Variants in PARD3 observed in about 807,000 individuals in gnomAD.
The protein encoded by PARD3 is par-3 family cell polarity regulator.
A neutral mutation model predicts 155.4 loss-of-function variants in PARD3; 75 were observed. The observed-to-expected ratio is 0.48, with a 90% CI of 0.40 to 0.58. PARD3 has a LOEUF of 0.58. PARD3 is among the 20% of genes least tolerant of loss of function. PARD3 has a pLI of 0.00. For synonymous variants in PARD3, 576 were observed against 610.5 expected, an observed-to-expected ratio of 0.94 and a Z score of 0.83; for missense variants, 1,642 against 1,721.7, an observed-to-expected ratio of 0.95 and a Z score of 0.82.
intron 22 of PARD3, among the ~76,000 whole-genome samples, chr10:34,139,864 A>T (rs900707804): frequency 3.9e-5 from 6 of 152,236 alleles, no homozygotes; most frequent in African/African-American, 1.4e-4. Flanking sequence ...GGATCCTATG[A>T]TACAGAACTA....
intron 12 of PARD3, among the ~76,000 whole-genome samples, chr10:34,362,588 C>G (rs1564629309): frequency 1.3e-5 from 2 of 152,172 alleles, no homozygotes; most frequent in Non-Finnish European, 2.9e-5. Flanking sequence ...TTGACCTCCC[C>G]AGGCTCAGGT....
At chr10:34,368,599 G>A (rs946063766) in intron 12 of PARD3, among the ~76,000 whole-genome samples, 1 of 152,048 alleles carries the variant, frequency 6.6e-6, no homozygotes, top group Admixed American at 6.5e-5. Flanking sequence ...GTGAACCCGG[G>A]GGGTGGAGCT....
Position 34,431,885 on chromosome 10 carries a change from T to TA in PARD3, c.714+18431dup, listed in dbSNP as rs1257475596. Reference sequence around the variant, plus strand: ...TAACACGGTGAAACCCCGTATCTACTAAAAAAATTAGCTGGGCGTGGTGGC... The same window carrying TA: ...TAACACGGTGAAACCCCGTATCTACTAAAAAAAATTAGCTGGGCGTGGTGGC... On this transcript the variant is annotated intron_variant, in intron 5 of 24. Coordinates refer to ENST00000374788, the MANE Select transcript of PARD3 (RefSeq NM_001184785.2). Among the ~76,000 whole-genome samples the TA allele has an allele frequency of 7.5e-5, 11 of 146,162 alleles. No individual in the cohort carries two copies. In the East Asian group the frequency reaches 1.4e-3, roughly 19 times the overall value.
At chr10:34,143,402 A>G (rs897149815) in intron 22 of PARD3, among the ~76,000 whole-genome samples, 1 of 152,196 alleles carries the variant, frequency 6.6e-6, no homozygotes, top group African/African-American at 2.4e-5. Context: ...CAATAAAATG[A>G]TTATCATGTT....
In PARD3 at chr10:34,126,365, T is replaced by C. The variant is rs71495065; in HGVS notation, c.3540+5098A>G. The stretch of plus-strand genomic sequence containing the variant: ...CTTGGATGAATTTTCCGCAGCATCC[T>C]GCTCTGTATGTAAAGTAATTGGCTT... On this transcript the variant is annotated intron_variant, in intron 23 of 24. Transcript: ENST00000374788. Among the ~76,000 whole-genome samples, 1,162 of 152,348 alleles carry C rather than the reference T, an allele frequency of 7.6e-3. 5 individuals are homozygous for C. The highest frequency in any genetic ancestry group is 0.013 in the Admixed American group (199 of 15,306).
intron 2 of PARD3, among the ~76,000 whole-genome samples, chr10:34,579,492 C>G (rs1162720073): frequency 6.6e-6 from 1 of 151,040 alleles, no homozygotes; most frequent in Non-Finnish European, 1.5e-5. Flanking sequence ...AAAAAAAATA[C>G]GTAAGAAGCC....
chr10:34,610,800 T>G (rs1334026280), intron 2 of PARD3, among the ~76,000 whole-genome samples: 1 of 152,180 alleles, frequency 6.6e-6, no homozygotes, highest in Admixed American at 6.5e-5. Context: ...TTTATAAAGT[T>G]TGATATGCAA....
intron 21 of PARD3, among the ~76,000 whole-genome samples, chr10:34,282,458 T>C (rs1052646793): frequency 2.0e-5 from 3 of 152,184 alleles, no homozygotes; most frequent in Non-Finnish European, 2.9e-5. Context: ...GAAACCATTA[T>C]GTAAAAATCA....
rs11598639 is a variant in PARD3, at chr10:34,503,228, A to G, written c.403+13751T>C. Among the ~76,000 whole-genome samples the G allele has an allele frequency of 3.0e-3, 464 of 152,352 alleles. 1 individual carries two copies. Among genetic ancestry groups the G allele is most frequent in the Non-Finnish European group, 5.0e-3 (339 of 68,030 alleles). ...TTAACACAAATTCTGTATTTAAAAT[A>G]AATACTTCTCAAGCTGTTTTAAATA... On this transcript the variant is annotated intron_variant, in intron 3 of 24. Transcript: ENST00000374788.
At chr10:34,526,989 ATACTT>A (rs1286514162) in intron 2 of PARD3, among the ~76,000 whole-genome samples, 5 of 152,216 alleles carry the variant, frequency 3.3e-5, no homozygotes, top group Admixed American at 2.0e-4. Flanking sequence ...GGTAAACTCT[ATACTT>A]TATTTTTTGG....
At chr10:34,340,799 T>C (rs536974767) in intron 16 of PARD3, among the ~76,000 whole-genome samples, 3 of 152,120 alleles carry the variant, frequency 2.0e-5, no homozygotes, top group East Asian at 3.9e-4. Flanking sequence ...AGAAAAACAG[T>C]AGGAAGCAGG....
At chr10:34,481,953 T>A (rs1284835061) in intron 3 of PARD3, among the ~76,000 whole-genome samples, 1 of 150,442 alleles carries the variant, frequency 6.6e-6, no homozygotes, top group Non-Finnish European at 1.5e-5. Flanking sequence ...CGCCACAGCC[T>A]CCTATGTAGC....
intron 21 of PARD3, among the ~76,000 whole-genome samples, chr10:34,272,132 A>G (rs903391384): frequency 6.6e-6 from 1 of 152,222 alleles, no homozygotes; most frequent in Admixed American, 6.5e-5. Flanking sequence ...AAGGAAAAAT[A>G]AATTTCATAC....
chr10:34,483,071 G>T (rs537940273), intron 3 of PARD3, among the ~76,000 whole-genome samples: 1 of 152,044 alleles, frequency 6.6e-6, no homozygotes, highest in Non-Finnish European at 1.5e-5. Flanking sequence ...CAGGAGAATA[G>T]CTTGAATCTG....
chr10:34,666,728 C>T (rs929652620), intron 2 of PARD3, among the ~76,000 whole-genome samples: 2 of 129,088 alleles, frequency 1.5e-5, no homozygotes, highest in Non-Finnish European at 3.1e-5. Context: ...ATTTGGAAAC[C>T]AGACCTTGAT....
intron 2 of PARD3, among the ~76,000 whole-genome samples, chr10:34,680,279 G>C (rs1004430520): frequency 4.6e-5 from 7 of 152,044 alleles, no homozygotes. Context: ...GTACATTCAG[G>C]CCAGTGTGGC....
Position 34,284,248 on chromosome 10 carries a change from G to A in PARD3, c.3066-3C>T. 2 of 1,569,866 alleles carry A rather than the reference G, an allele frequency of 1.3e-6. No individual in the cohort carries two copies. The highest frequency in any genetic ancestry group is 1.7e-6 in the Non-Finnish European group (2 of 1,147,126). The stretch of plus-strand genomic sequence containing the variant: ...CATCTTTTCGATGTTTGCCAAACCT[G>A]TTAATAACAAAAAATTCTAACTTGT... On this transcript the variant is annotated splice_region_variant and splice_polypyrimidine_tract_variant and intron_variant, in intron 20 of 24. Transcript: ENST00000374788.
intron 22 of PARD3, among the ~76,000 whole-genome samples, chr10:34,240,857 C>A (rs1187813559): frequency 6.6e-6 from 1 of 152,080 alleles, no homozygotes; most frequent in East Asian, 1.9e-4. Flanking sequence ...ACAACACAGA[C>A]AGAAACTGCC....
chr10:34,317,137 C>T lies in PARD3; in HGVS notation c.3035G>A (p.Gly1012Glu). 6.4e-7 allele frequency: 1 copy of T among 1,568,200 alleles called. No individual in the cohort carries two copies. Among genetic ancestry groups the T allele is most frequent in the Non-Finnish European group, 8.7e-7 (1 of 1,155,300 alleles). The change falls in exon 20 of 25, where the codon GGA becomes GAA. Residue 1012 changes from glycine (G) to glutamate (E), a missense_variant. By Grantham distance (98) the Gly-to-Glu change is moderately conservative. Around this residue, in one of 3 missense-constraint regions of PARD3, gnomAD observed 1,529 missense variants for 1,587.3 expected, o/e 0.96. Coordinates refer to ENST00000374788, the MANE Select transcript of PARD3 (RefSeq NM_001184785.2). ...KEKDKMKAKK[G>E]MLKGLGDMFR... Reference sequence around the variant, plus strand: ...CATGTCTCCCAAGCCCTTCAGCATTCCCTTCTTGGCTTTCATTTTATCCTT... The same window carrying T: ...CATGTCTCCCAAGCCCTTCAGCATTTCCTTCTTGGCTTTCATTTTATCCTT...
Sources: gnomAD v4.1 joint callset for allele counts (sites outside exome capture counted in the v4.1 genomes callset) on GRCh38, gnomAD v4.1.1 for gene constraint, gnomAD v4.1.1 regional missense constraint, MANE v1.5 for transcripts, NCBI Gene and HGNC (gene_info 2026-07-23, HGNC 2026-07-21) for gene names.